MACROD2: variants seen among roughly 807,000 people sequenced by gnomAD.
The protein encoded by MACROD2 is mono-ADP ribosylhydrolase 2.
Under a neutral mutation model 70.4 loss-of-function variants are expected in MACROD2, and 36 were observed. The observed-to-expected ratio is 0.51, with a 90% CI of 0.39 to 0.68. MACROD2 has a LOEUF of 0.68. MACROD2 is among the 30% of genes least tolerant of loss of function. The pLI is 0.00. For synonymous variants in MACROD2, 172 were observed against 178.8 expected (o/e 0.96, Z 0.30); for missense variants, 496 against 538.4 (o/e 0.92, Z 0.78).
At chr20:14,862,510 T>A (rs868790366) in intron 5 of MACROD2, among the ~76,000 whole-genome samples, 11 of 26,762 alleles carry the variant, frequency 4.1e-4, no homozygotes, top group Non-Finnish European at 6.5e-4. Context: ...TATATATAAA[T>A]ATATATATAA....
chr20:14,718,397 G>T lies in MACROD2; in HGVS notation c.418+33438G>T, dbSNP rs138654533. 2.5e-3 allele frequency among the ~76,000 whole-genome samples: 377 copies of T among 151,264 alleles called. 3 individuals carry two copies. Among genetic ancestry groups the T allele is most frequent in the African/African-American group, 8.8e-3 (365 of 41,312 alleles). On this transcript the variant is annotated intron_variant, in intron 5 of 17. Coordinates refer to ENST00000684519, the MANE Select transcript of MACROD2 (RefSeq NM_001351661.2). ...ATTAGAGGAAACAGTGTGGGTGCATGTGATTCAAACATCAGTTGTGAGGCC... is the reference window on the plus strand; with the variant it reads ...ATTAGAGGAAACAGTGTGGGTGCATTTGATTCAAACATCAGTTGTGAGGCC...
chr20:14,391,932 C>G (rs897612276), intron 3 of MACROD2, among the ~76,000 whole-genome samples: 6 of 150,662 alleles, frequency 4.0e-5, no homozygotes, highest in Non-Finnish European at 8.9e-5. Flanking sequence ...TGCAATATAC[C>G]CATGTAACAG....
At chr20:15,284,078 T>G (rs968687110) in intron 6 of MACROD2, among the ~76,000 whole-genome samples, 2 of 152,148 alleles carry the variant, frequency 1.3e-5, no homozygotes, top group African/African-American at 4.8e-5. Flanking sequence ...AATATTAAAT[T>G]TCTTTTCCTT....
At chr20:14,969,726 G>A (rs540957686) in intron 5 of MACROD2, among the ~76,000 whole-genome samples, 3 of 152,158 alleles carry the variant, frequency 2.0e-5, no homozygotes, top group Admixed American at 6.5e-5. Context: ...TATTTTTGAA[G>A]TCTTAAAGAG....
rs997122080 is a variant in MACROD2 at position 15,362,670 on chromosome 20, A to G, written c.541-68735A>G. 3.9e-5 allele frequency among the ~76,000 whole-genome samples: 6 copies of G among 152,102 alleles called. No individual in the cohort carries two copies. The South Asian group carries it at 1.2e-3, about 32-fold the overall frequency. On this transcript the variant is annotated intron_variant, in intron 6 of 17. Coordinates refer to ENST00000684519, the MANE Select transcript of MACROD2 (RefSeq NM_001351661.2). ...AGAAATTAGTCATTCTTACATAATA[A>G]CCATTTAATGTAGTGATCAAATAAA...
chr20:14,003,259 G>A (rs1224612595), intron 2 of MACROD2, among the ~76,000 whole-genome samples: 1 of 152,162 alleles, frequency 6.6e-6, no homozygotes, highest in Non-Finnish European at 1.5e-5. Flanking sequence ...AAATCTGAAG[G>A]GAAAGATTAG....
intron 8 of MACROD2, among the ~76,000 whole-genome samples, chr20:15,527,663 G>T (rs16995898): frequency 6.6e-6 from 1 of 152,032 alleles, no homozygotes. Context: ...ATGATCTGAG[G>T]TCCACTACTG....
intron 2 of MACROD2, among the ~76,000 whole-genome samples, chr20:14,038,278 A>G (rs980300698): frequency 4.7e-5 from 7 of 148,956 alleles, no homozygotes; most frequent in Admixed American, 1.3e-4. Flanking sequence ...TGGGCCACAG[A>G]GTGAGAGACT....
intron 5 of MACROD2, among the ~76,000 whole-genome samples, chr20:14,896,225 G>A (rs959973638): frequency 2.0e-5 from 3 of 152,098 alleles, no homozygotes; most frequent in Non-Finnish European, 2.9e-5. Flanking sequence ...AACTTTGGAG[G>A]CAGAGGTTGC....
intron 6 of MACROD2, among the ~76,000 whole-genome samples, chr20:15,381,469 G>A (rs576454343): frequency 6.6e-6 from 1 of 151,694 alleles, no homozygotes; most frequent in African/African-American, 2.4e-5. Flanking sequence ...GGGAGGCCGA[G>A]GTGGGTGGAT....
At chr20:15,910,877 T>C (rs960390803) in intron 10 of MACROD2, among the ~76,000 whole-genome samples, 1 of 152,214 alleles carries the variant, frequency 6.6e-6, no homozygotes, top group African/African-American at 2.4e-5. Flanking sequence ...GTCTATTTGA[T>C]ACTTAATTAG....
intron 5 of MACROD2, among the ~76,000 whole-genome samples, chr20:14,800,521 C>T (rs924385237): frequency 8.5e-5 from 13 of 152,146 alleles, no homozygotes; most frequent in East Asian, 1.9e-4. Flanking sequence ...TTCATTATAA[C>T]GTATCTGATG....
At chr20:16,031,385 CTGAT>C (rs989945143) in intron 15 of MACROD2, among the ~76,000 whole-genome samples, 73 of 152,256 alleles carry the variant, frequency 4.8e-4, no homozygotes, top group African/African-American at 1.7e-3. Flanking sequence ...TCTAAGTGAT[CTGAT>C]TGATCTGACC....
intron 3 of MACROD2, among the ~76,000 whole-genome samples, chr20:14,443,859 T>C (rs2084154106): frequency 6.6e-6 from 1 of 152,108 alleles, no homozygotes; most frequent in Non-Finnish European, 1.5e-5. Context: ...CCTTGCAGGA[T>C]TACTGTCAGG....
intron 6 of MACROD2, among the ~76,000 whole-genome samples, chr20:15,309,993 T>G (rs1343635080): frequency 2.0e-5 from 3 of 152,126 alleles, no homozygotes; most frequent in African/African-American, 7.2e-5. Context: ...TTAGGTAGAG[T>G]GTAGAATCAG....
chr20:15,422,645 T>G (rs547219758), intron 6 of MACROD2, among the ~76,000 whole-genome samples: 1 of 152,158 alleles, frequency 6.6e-6, no homozygotes, highest in African/African-American at 2.4e-5. Context: ...TGACAACAAT[T>G]ATTGCTGCAG....
chr20:15,567,329 T>C (rs2048323862), intron 8 of MACROD2, among the ~76,000 whole-genome samples: 1 of 152,192 alleles, frequency 6.6e-6, no homozygotes, highest in Non-Finnish European at 1.5e-5. Flanking sequence ...TATAATCCAC[T>C]CAGCTGATGT....
intron 8 of MACROD2, among the ~76,000 whole-genome samples, chr20:15,643,061 C>T (rs568325544): frequency 6.6e-6 from 1 of 152,300 alleles, no homozygotes; most frequent in Admixed American, 6.5e-5. Context: ...GAAATAAGTG[C>T]AGTAACTTGA....
intron 7 of MACROD2, among the ~76,000 whole-genome samples, chr20:15,498,719 A>G (rs1419288403): frequency 6.6e-6 from 1 of 152,210 alleles, no homozygotes; most frequent in East Asian, 1.9e-4. Context: ...TTGGGATGAT[A>G]AAAATATTCT....
Sources: gnomAD v4.1 joint callset for allele counts (sites outside exome capture counted in the v4.1 genomes callset) on GRCh38, gnomAD v4.1.1 for gene constraint, MANE v1.5 for transcripts, NCBI Gene and HGNC (gene_info 2026-07-23, HGNC 2026-07-21) for gene names.